The following CSMD1 variants were observed in gnomAD, a reference collection of about 807,000 sequenced individuals.
The protein encoded by CSMD1 is CUB and sushi domain-containing protein 1.
In CSMD1, 213 loss-of-function variants were observed where a neutral mutation model predicts 417.5. The observed-to-expected ratio is 0.51, with a 90% CI of 0.46 to 0.57. The LOEUF is 0.57. CSMD1 is among the 20% of genes least tolerant of loss of function. The pLI, the probability that CSMD1 is intolerant of heterozygous loss-of-function variation, is 0.00. For synonymous variants in CSMD1, 2,862 were observed against 1,736.8 expected, an observed-to-expected ratio of 1.65 and a Z score of -16.11; for missense variants, 6,923 against 4,529.7, an observed-to-expected ratio of 1.53 and a Z score of -15.17.
chr8:4,042,912 G>A (rs891387909), intron 3 of CSMD1, among the ~76,000 whole-genome samples: 1 of 148,738 alleles, frequency 6.7e-6, no homozygotes, highest in Non-Finnish European at 1.5e-5. Flanking sequence ...AAGATTATGA[G>A]TTCAGGAGTT....
intron 1 of CSMD1, among the ~76,000 whole-genome samples, chr8:4,738,742 A>G (rs1720337351): frequency 6.6e-6 from 1 of 152,218 alleles, no homozygotes; most frequent in Non-Finnish European, 1.5e-5. Flanking sequence ...ATAATGATTA[A>G]TGGTATGCAT....
intron 5 of CSMD1, among the ~76,000 whole-genome samples, chr8:3,980,540 C>G (rs77885258): frequency 1.4e-5 from 2 of 145,544 alleles, no homozygotes; most frequent in African/African-American, 5.1e-5. Context: ...GATTTGTCGT[C>G]TCTCTTTGGT....
intron 5 of CSMD1, among the ~76,000 whole-genome samples, chr8:3,862,423 T>C (rs1804779953): frequency 6.6e-6 from 1 of 152,176 alleles, no homozygotes; most frequent in Non-Finnish European, 1.5e-5. Context: ...TTGTCTTTCA[T>C]TACATTCTCC....
At chr8:4,548,683 C>G (rs2130551718) in intron 2 of CSMD1, among the ~76,000 whole-genome samples, 1 of 152,170 alleles carries the variant, frequency 6.6e-6, no homozygotes, top group African/African-American at 2.4e-5. Flanking sequence ...TTCCATCTAC[C>G]TGTCTACAAA....
At chr8:4,925,075 G>T (rs1303508394) in intron 1 of CSMD1, among the ~76,000 whole-genome samples, 1 of 152,112 alleles carries the variant, frequency 6.6e-6, no homozygotes, top group African/African-American at 2.4e-5. Flanking sequence ...TTGTTATCAA[G>T]CATATTTGAA....
intron 5 of CSMD1, among the ~76,000 whole-genome samples, chr8:3,827,515 A>C (rs1046822185): frequency 6.6e-6 from 1 of 152,208 alleles, no homozygotes; most frequent in African/African-American, 2.4e-5. Flanking sequence ...TGTGACATCT[A>C]GGTTTCCCCA....
intron 3 of CSMD1, among the ~76,000 whole-genome samples, chr8:4,207,518 C>G (rs1039973923): frequency 5.9e-5 from 9 of 152,012 alleles, no homozygotes; most frequent in African/African-American, 1.9e-4. Flanking sequence ...ATTTCTTAAA[C>G]TGAAGTTTTA....
intron 2 of CSMD1, among the ~76,000 whole-genome samples, chr8:4,606,699 T>A (rs1292429970): frequency 6.6e-6 from 1 of 152,220 alleles, no homozygotes; most frequent in Admixed American, 6.5e-5. Flanking sequence ...AATATTGTAT[T>A]ATTGATCTAT....
At chr8:3,870,032 G>A (rs867803427) in intron 5 of CSMD1, among the ~76,000 whole-genome samples, 1 of 151,944 alleles carries the variant, frequency 6.6e-6, no homozygotes, top group African/African-American at 2.4e-5. Flanking sequence ...ACAAAAAGTA[G>A]GCGTCTCTTC....
At position 3,609,946 on chromosome 8, in the gene CSMD1, C is replaced by T. The variant is rs371874730; in HGVS notation, c.1097+6764G>A. On this transcript the variant is annotated intron_variant, in intron 8 of 69. Coordinates refer to ENST00000635120, the MANE Select transcript of CSMD1 (RefSeq NM_033225.6). Reference sequence around the variant, plus strand: ...CCTCCCAAGTAGCTGGGACTACGGGCGCACACCAACATGCCCAGCTAATTT... The same window carrying T: ...CCTCCCAAGTAGCTGGGACTACGGGTGCACACCAACATGCCCAGCTAATTT... Among the ~76,000 whole-genome samples the T allele has an allele frequency of 3.6e-4, 53 of 149,156 alleles. No individual in the cohort carries two copies. The South Asian group carries it at 6.2e-3, about 17-fold the overall frequency.
intron 37 of CSMD1, among the ~76,000 whole-genome samples, chr8:3,168,554 A>T (rs1277911276): frequency 6.6e-6 from 1 of 152,008 alleles, no homozygotes; most frequent in East Asian, 1.9e-4. Flanking sequence ...AAATGCCATG[A>T]TTATAGACAG....
At chr8:4,382,995 T>C (rs1395262798) in intron 3 of CSMD1, among the ~76,000 whole-genome samples, 1 of 152,326 alleles carries the variant, frequency 6.6e-6, no homozygotes, top group East Asian at 1.9e-4. Flanking sequence ...CACCATCGTC[T>C]GTATATCAGC....
At chr8:4,840,066 C>T (rs966952148) in intron 1 of CSMD1, among the ~76,000 whole-genome samples, 7 of 152,126 alleles carry the variant, frequency 4.6e-5, no homozygotes, top group Admixed American at 1.3e-4. Flanking sequence ...CTCGGTGGAC[C>T]GCATCCATAG....
chr8:3,889,437 T>C (rs576660707), intron 5 of CSMD1, among the ~76,000 whole-genome samples: 63 of 131,816 alleles, frequency 4.8e-4, no homozygotes, highest in African/African-American at 1.4e-3. Flanking sequence ...TTAGTTGATA[T>C]GCTTCTGATC....
chr8:4,692,577 G>C (rs966715373), intron 1 of CSMD1, among the ~76,000 whole-genome samples: 1 of 152,152 alleles, frequency 6.6e-6, no homozygotes, highest in Non-Finnish European at 1.5e-5. Flanking sequence ...TGTGAGCCAT[G>C]GGTGAGAGCG....
At chr8:3,355,882 G>A (rs1186097946) in intron 21 of CSMD1, among the ~76,000 whole-genome samples, 1 of 152,110 alleles carries the variant, frequency 6.6e-6, no homozygotes, top group Non-Finnish European at 1.5e-5. Flanking sequence ...CATGCCAACA[G>A]GTGCCAGAAG....
intron 8 of CSMD1, among the ~76,000 whole-genome samples, chr8:3,606,631 G>C (rs556292658): frequency 6.6e-6 from 1 of 151,942 alleles, no homozygotes; most frequent in South Asian, 2.1e-4. Flanking sequence ...TGTATCCTTG[G>C]GCCACTATAA....
At chr8:4,124,398 A>C (rs1000412583) in intron 3 of CSMD1, among the ~76,000 whole-genome samples, 1 of 51,476 alleles carries the variant, frequency 1.9e-5, no homozygotes, top group Middle Eastern at 0.013. Context: ...GAGACAGGGG[A>C]TTTGTATTTA....
At chr8:3,715,808 G>C (rs1267607147) in intron 6 of CSMD1, among the ~76,000 whole-genome samples, 68 of 152,260 alleles carry the variant, frequency 4.5e-4, no homozygotes, top group Non-Finnish European at 2.4e-4. Context: ...CTCCCAAAGT[G>C]CTGGGATTGC....
Sources: allele counts gnomAD v4.1 joint callset (sites outside exome capture counted in the v4.1 genomes callset), GRCh38; gene constraint gnomAD v4.1.1; transcripts MANE v1.5; gene names NCBI Gene and HGNC (gene_info 2026-07-23, HGNC 2026-07-21).